MSL2: variants seen among roughly 807,000 people sequenced by gnomAD.
The protein encoded by MSL2 is MSL complex subunit 2, also known as E3 ubiquitin-protein ligase MSL2.
Under a neutral mutation model 35.8 loss-of-function variants are expected in MSL2, and 2 were observed. The observed-to-expected ratio is 0.06, with a 90% confidence interval of 0.02 to 0.18. MSL2 has a LOEUF of 0.18. MSL2 is among the 10% of genes least tolerant of loss of function. The probability of loss-of-function intolerance (pLI) is 1.00; values close to 1 mark genes in which losing one functional copy is unlikely to be tolerated. For missense variants in MSL2, 523 were observed against 706.7 expected (o/e 0.74, Z 2.95); for synonymous variants, 296 against 255.7 (o/e 1.16, Z -1.50).
chr3:136,179,124 C>A (rs1940267034), intron 1 of MSL2, among the ~76,000 whole-genome samples: 1 of 151,586 alleles, frequency 6.6e-6, no homozygotes, highest in Admixed American at 6.6e-5. Context: ...ATTAGCTATA[C>A]CAGTCTTAGT....
chr3:136,184,079 A>G (rs912652079), intron 1 of MSL2, among the ~76,000 whole-genome samples: 2 of 150,094 alleles, frequency 1.3e-5, no homozygotes, highest in African/African-American at 2.5e-5. Context: ...GCGGATCACG[A>G]AGTCAGGAGA....
intron 1 of MSL2, among the ~76,000 whole-genome samples, chr3:136,158,861 A>G (rs1436275247): frequency 6.6e-6 from 1 of 152,208 alleles, no homozygotes; most frequent in African/African-American, 2.4e-5. Flanking sequence ...TCCATTCACA[A>G]TAGCATCAAG....
chr3:136,170,364 A>AAAAAAAC (rs1939990716), intron 1 of MSL2, among the ~76,000 whole-genome samples: 2 of 151,328 alleles, frequency 1.3e-5, no homozygotes, highest in African/African-American at 2.4e-5. Context: ...AAAAAAAAAA[A>AAAAAAAC]ACCATTGTTA....
intron 1 of MSL2, among the ~76,000 whole-genome samples, chr3:136,166,584 T>C (rs754993712): frequency 1.3e-5 from 2 of 152,302 alleles, no homozygotes; most frequent in South Asian, 2.1e-4. Flanking sequence ...AGAACCTAGA[T>C]TGACTGGCAT....
intron 1 of MSL2, among the ~76,000 whole-genome samples, chr3:136,154,468 TC>T (rs945628942): frequency 1.9e-4 from 29 of 152,210 alleles, no homozygotes; most frequent in African/African-American, 6.7e-4. Flanking sequence ...GCTCCTTGGT[TC>T]CCAATCCAGA....
intron 1 of MSL2, among the ~76,000 whole-genome samples, chr3:136,166,513 C>T (rs1939859628): frequency 6.6e-6 from 1 of 152,090 alleles, no homozygotes; most frequent in Non-Finnish European, 1.5e-5. Context: ...AACCTTCCCT[C>T]TTATTAAAAC....
At chr3:136,156,602 A>C (rs1240938202) in intron 1 of MSL2, among the ~76,000 whole-genome samples, 1 of 152,252 alleles carries the variant, frequency 6.6e-6, no homozygotes, top group African/African-American at 2.4e-5. Context: ...ACAGTGGCTC[A>C]CGCCTGTAAT....
At chr3:136,186,800 G>A (rs1940536199) in intron 1 of MSL2, among the ~76,000 whole-genome samples, 1 of 152,178 alleles carries the variant, frequency 6.6e-6, no homozygotes, top group Non-Finnish European at 1.5e-5. Flanking sequence ...CACAATAAAT[G>A]TAATGTGCTT....
intron 1 of MSL2, among the ~76,000 whole-genome samples, chr3:136,179,905 A>G (rs1361593719): frequency 6.6e-6 from 1 of 152,056 alleles, no homozygotes; most frequent in Middle Eastern, 3.2e-3. Context: ...ACCTCTACTA[A>G]AAATACAAAA....
At chr3:136,170,653 C>T (rs1318853935) in intron 1 of MSL2, among the ~76,000 whole-genome samples, 1 of 151,152 alleles carries the variant, frequency 6.6e-6, no homozygotes, top group African/African-American at 2.4e-5. Context: ...GGACTACAGG[C>T]GTGCGTCACC....
At chr3:136,176,157 T>C (rs1476042059) in intron 1 of MSL2, among the ~76,000 whole-genome samples, 2 of 152,202 alleles carry the variant, frequency 1.3e-5, no homozygotes, top group African/African-American at 2.4e-5. Context: ...CAAGTAAAAC[T>C]ATATTCTTTG....
At chr3:136,173,057 G>A (rs774318937) in intron 1 of MSL2, among the ~76,000 whole-genome samples, 8 of 152,158 alleles carry the variant, frequency 5.3e-5, no homozygotes, top group Non-Finnish European at 1.2e-4. Context: ...CAGCTACTTG[G>A]GAGGCTGAGG....
chr3:136,185,295 CAA>C (rs1940486791), intron 1 of MSL2, among the ~76,000 whole-genome samples: 1 of 108,954 alleles, frequency 9.2e-6, no homozygotes, highest in African/African-American at 3.6e-5. Flanking sequence ...AAATTTTTAA[CAA>C]AGCTAAAAAA....
At chr3:136,169,768 A>G (rs1939967345) in intron 1 of MSL2, among the ~76,000 whole-genome samples, 1 of 151,920 alleles carries the variant, frequency 6.6e-6, no homozygotes, top group Non-Finnish European at 1.5e-5. Context: ...GTGTTTTGAA[A>G]TATACAATAA....
At chr3:136,168,311 C>T (rs944056592) in intron 1 of MSL2, among the ~76,000 whole-genome samples, 2 of 152,132 alleles carry the variant, frequency 1.3e-5, no homozygotes, top group Admixed American at 1.3e-4. Context: ...AGTCGTGAGA[C>T]TTTAAAATCA....
chr3:136,158,460 CTTCT>C (rs1482490321), intron 1 of MSL2, among the ~76,000 whole-genome samples: 2 of 151,934 alleles, frequency 1.3e-5, no homozygotes, highest in South Asian at 2.1e-4. Flanking sequence ...AGAAATTGAA[CTTCT>C]TTAACTTGAT....
At chr3:136,178,867 GAGTATTCCAAGACAGCACTACTACCATCA>G (rs1940258560) in intron 1 of MSL2, among the ~76,000 whole-genome samples, 1 of 151,564 alleles carries the variant, frequency 6.6e-6, no homozygotes, top group Non-Finnish European at 1.5e-5. Context: ...CTCACACGTG[GAGTATTCCAAGACAGCACTACTACCATCA>G]AACGGTTATT....
intron 1 of MSL2, among the ~76,000 whole-genome samples, chr3:136,156,242 C>A (rs1245252572): frequency 2.6e-5 from 4 of 152,178 alleles, no homozygotes; most frequent in African/African-American, 9.6e-5. Context: ...TACAGCTGAT[C>A]AAAATCAAAG....
At chr3:136,177,560 T>G (rs1031399434) in intron 1 of MSL2, among the ~76,000 whole-genome samples, 4 of 151,590 alleles carry the variant, frequency 2.6e-5, no homozygotes, top group Non-Finnish European at 4.4e-5. Flanking sequence ...GCACCTGTAG[T>G]CCCAGCTACT....
Sources: allele counts gnomAD v4.1 joint callset (sites outside exome capture counted in the v4.1 genomes callset), GRCh38; gene constraint gnomAD v4.1.1; transcripts MANE v1.5; gene names NCBI Gene and HGNC (gene_info 2026-07-23, HGNC 2026-07-21).